ASAP2: variants seen among roughly 807,000 people sequenced by gnomAD.
ASAP2 encodes ArfGAP with SH3 domain, ankyrin repeat and PH domain 2, also known as arf-GAP with SH3 domain, ANK repeat and PH domain-containing protein 2.
Under a neutral mutation model 131.4 loss-of-function variants are expected in ASAP2, and 45 were observed. That is an observed-to-expected ratio of 0.34 (90% confidence interval 0.27 to 0.44). The LOEUF is 0.44. Ranked by LOEUF, ASAP2 falls within the 20% of genes least tolerant of loss-of-function variation. The probability of loss-of-function intolerance (pLI) is 1.00; values close to 1 mark genes in which losing one functional copy is unlikely to be tolerated. For synonymous variants in ASAP2, 510 were observed against 503.0 expected, an observed-to-expected ratio of 1.01 and a Z score of -0.19; for missense variants, 1,011 against 1,297.0, an observed-to-expected ratio of 0.78 and a Z score of 3.39.
At chr2:9,352,739 A>G (rs1407732737) in intron 12 of ASAP2, among the ~76,000 whole-genome samples, 1 of 152,162 alleles carries the variant, frequency 6.6e-6, no homozygotes, top group Non-Finnish European at 1.5e-5. Context: ...GCCAACTGAT[A>G]TTTACCAAGA....
chr2:9,260,193 C>T (rs968766417), intron 1 of ASAP2, among the ~76,000 whole-genome samples: 1 of 152,242 alleles, frequency 6.6e-6, no homozygotes, highest in East Asian at 1.9e-4. Flanking sequence ...GATAGGAACA[C>T]TGAGGCCCAG....
At chr2:9,356,484 C>T in intron 14 of ASAP2, 139 bp downstream of exon 14, 1 of 1,036,714 alleles carries the variant, frequency 9.6e-7, no homozygotes, top group Non-Finnish European at 1.4e-6. Context: ...TCCCATTACA[C>T]AAATGCTTAA....
At position 9,213,224 on chromosome 2, in the gene ASAP2, A is replaced by T. The variant is rs181984755; in HGVS notation, c.126+5994A>T. On this transcript the variant is annotated intron_variant, in intron 1 of 27. Transcript: ENST00000281419. Reference sequence around the variant, plus strand: ...CAGGCTGGAATGCAGAGAGGAAGCCAGCCACAGAAGATGTGGGAATAGAAC... The same window carrying T: ...CAGGCTGGAATGCAGAGAGGAAGCCTGCCACAGAAGATGTGGGAATAGAAC... Among the ~76,000 whole-genome samples, 456 of 152,348 alleles carry T rather than the reference A, an allele frequency of 3.0e-3. 3 individuals carry two copies. Among genetic ancestry groups the T allele is most frequent in the African/African-American group, 0.01 (429 of 41,578 alleles).
At chr2:9,387,215 A>G (rs1315782745) in intron 21 of ASAP2, among the ~76,000 whole-genome samples, 1 of 148,780 alleles carries the variant, frequency 6.7e-6, no homozygotes, top group Non-Finnish European at 1.5e-5. Flanking sequence ...CTCTGTCTCA[A>G]AAAAAAAAAA....
chr2:9,256,564 T>G (rs1256381639), intron 1 of ASAP2, among the ~76,000 whole-genome samples: 1 of 152,172 alleles, frequency 6.6e-6, no homozygotes, highest in African/African-American at 2.4e-5. Flanking sequence ...CCAAAGCTTT[T>G]GGATTTTGTT....
At chr2:9,257,777 G>T (rs1005388608) in intron 1 of ASAP2, among the ~76,000 whole-genome samples, 1 of 152,182 alleles carries the variant, frequency 6.6e-6, no homozygotes, top group Non-Finnish European at 1.5e-5. Flanking sequence ...GCCCGCCTCG[G>T]CCTCCCAAAG....
chr2:9,207,086 G>T lies in ASAP2; in HGVS notation c.-19G>T, dbSNP rs376358778. 2.4e-5 allele frequency: 38 copies of T among 1,551,932 alleles called. No individual in the cohort carries two copies. The African/African-American group carries it at 4.7e-4, about 19-fold the overall frequency. ...GCGGCGCCCCTGCGGCTGTGCGCCAGCGCCCTCGCGCCGAGGCGATGCCGG... is the reference window on the plus strand; with the variant it reads ...GCGGCGCCCCTGCGGCTGTGCGCCATCGCCCTCGCGCCGAGGCGATGCCGG... On this transcript the variant is annotated 5_prime_UTR_variant, in exon 1 of 28. Coordinates refer to ENST00000281419, the MANE Select transcript of ASAP2 (RefSeq NM_003887.3). The surrounding 1 kb of genome is among the most constrained non-coding windows in gnomAD (Gnocchi z 4.1).
intron 6 of ASAP2, among the ~76,000 whole-genome samples, chr2:9,324,969 T>C (rs1294866422): frequency 1.3e-5 from 2 of 152,218 alleles, no homozygotes; most frequent in Non-Finnish European, 2.9e-5. Flanking sequence ...TTTTTTTATG[T>C]CTGTCTCGTG....
At chr2:9,355,091 G>A (rs1257486329) in intron 12 of ASAP2, among the ~76,000 whole-genome samples, 4 of 152,092 alleles carry the variant, frequency 2.6e-5, no homozygotes, top group East Asian at 1.9e-4. Context: ...CCAGTAGTCC[G>A]TGGTACATGT....
At chr2:9,318,329 T>C (rs1466976521) in intron 3 of ASAP2, among the ~76,000 whole-genome samples, 195 bp from the exon 4 acceptor site, 1 of 152,244 alleles carries the variant, frequency 6.6e-6, no homozygotes, top group African/African-American at 2.4e-5. Flanking sequence ...CCTAGACTTT[T>C]CATTAGCCCT....
chr2:9,359,410 A>G (rs552060951), intron 15 of ASAP2, among the ~76,000 whole-genome samples: 2 of 152,330 alleles, frequency 1.3e-5, no homozygotes, highest in South Asian at 2.1e-4. Flanking sequence ...CACTTAAGCC[A>G]TGTGATAGAG....
At chr2:9,264,133 A>G (rs1484982017) in intron 1 of ASAP2, among the ~76,000 whole-genome samples, 2 of 151,420 alleles carry the variant, frequency 1.3e-5, no homozygotes, top group Admixed American at 6.6e-5. Flanking sequence ...GAGAGGTTGC[A>G]GTGAGCCAAG....
chr2:9,225,499 C>G (rs867462985), intron 1 of ASAP2, among the ~76,000 whole-genome samples: 2 of 152,184 alleles, frequency 1.3e-5, no homozygotes, highest in Middle Eastern at 3.4e-3. Context: ...CTCTGTGGTC[C>G]CGATTTTACC....
At chr2:9,224,577 T>A (rs1662637108) in intron 1 of ASAP2, among the ~76,000 whole-genome samples, 1 of 152,168 alleles carries the variant, frequency 6.6e-6, no homozygotes, top group African/African-American at 2.4e-5. Flanking sequence ...CAGGAAAATC[T>A]TCTAAGGATG....
intron 27 of ASAP2, among the ~76,000 whole-genome samples, chr2:9,402,013 C>T (rs1211487380): frequency 6.6e-6 from 1 of 152,202 alleles, no homozygotes; most frequent in Non-Finnish European, 1.5e-5. Context: ...GGTGGATGAA[C>T]CGGCTTGAAT....
At chr2:9,213,282 C>G (rs1219257953) in intron 1 of ASAP2, among the ~76,000 whole-genome samples, 4 of 151,776 alleles carry the variant, frequency 2.6e-5, no homozygotes, top group African/African-American at 9.7e-5. Context: ...TGCCAATGGG[C>G]GGGATCATGG....
intron 1 of ASAP2, among the ~76,000 whole-genome samples, chr2:9,253,480 A>G (rs982743383): frequency 6.6e-6 from 1 of 152,180 alleles, no homozygotes; most frequent in Admixed American, 6.5e-5. Context: ...CACGTTTTAA[A>G]TGTGCAGTTT....
intron 14 of ASAP2, among the ~76,000 whole-genome samples, chr2:9,357,986 A>G (rs1222807257): frequency 6.6e-6 from 1 of 152,124 alleles, no homozygotes; most frequent in Non-Finnish European, 1.5e-5. Context: ...TCTGTCAAGC[A>G]TTTTGTGGGT....
intron 1 of ASAP2, among the ~76,000 whole-genome samples, chr2:9,263,086 G>A (rs1371537118): frequency 6.6e-6 from 1 of 151,878 alleles, no homozygotes; most frequent in African/African-American, 2.4e-5. Context: ...CTTCTGCATC[G>A]CCACGGCTGG....
Sources: gnomAD v4.1 joint callset for allele counts (sites outside exome capture counted in the v4.1 genomes callset) on GRCh38, gnomAD v4.1.1 for gene constraint, Gnocchi (gnomAD v3.1) non-coding constraint, MANE v1.5 for transcripts, NCBI Gene and HGNC (gene_info 2026-07-23, HGNC 2026-07-21) for gene names.